Variants in TXN2 observed in about 807,000 individuals in gnomAD.
TXN2 encodes thioredoxin, mitochondrial.
A neutral mutation model predicts 14.6 loss-of-function variants in TXN2; 12 were observed. The ratio of observed to expected loss-of-function variants is 0.82; its 90% CI spans 0.53 to 1.33. The LOEUF is 1.33. Ranked by LOEUF, TXN2 falls within the 40% of genes most tolerant of loss-of-function variation. The pLI, the probability that TXN2 is intolerant of heterozygous loss-of-function variation, is 0.00. For synonymous variants in TXN2, 89 were observed against 81.0 expected, an observed-to-expected ratio of 1.10 and a Z score of -0.53; for missense variants, 173 against 207.7, an observed-to-expected ratio of 0.83 and a Z score of 1.03.
intron 3 of TXN2, among the ~76,000 whole-genome samples, chr22:36,473,801 C>A (rs951667203): frequency 2.6e-5 from 4 of 152,174 alleles, no homozygotes; most frequent in African/African-American, 9.7e-5. Context: ...TCTCACTTCC[C>A]AGGCTTCACC....
At chr22:36,473,428 G>A (rs891247294) in intron 3 of TXN2, among the ~76,000 whole-genome samples, 3 of 152,174 alleles carry the variant, frequency 2.0e-5, no homozygotes, top group Non-Finnish European at 4.4e-5. Context: ...GGGCGACAGA[G>A]CGAGACTCCA....
At chr22:36,469,748 G>C (rs1183776624) in intron 3 of TXN2, among the ~76,000 whole-genome samples, 1 of 152,218 alleles carries the variant, frequency 6.6e-6, no homozygotes, top group Non-Finnish European at 1.5e-5. Flanking sequence ...TTGAGGTCAG[G>C]AGTTCGAGAC....
rs190264690 is a variant in TXN2 at position 36,471,982 on chromosome 22, A to G, written c.388-4065T>C. Among the ~76,000 whole-genome samples the G allele has an allele frequency of 1.9e-3, 286 of 152,098 alleles. 2 individuals are homozygous for G. Among genetic ancestry groups the G allele is most frequent in the African/African-American group, 6.8e-3 (281 of 41,522 alleles). On this transcript the variant is annotated intron_variant, in intron 3 of 3. Transcript: ENST00000216185. Reference sequence around the variant, plus strand: ...GAGACCCCCTCTAAAAAAAAAAAAAAAAAAAAGCTGGGATCTGAAACAAGA... The same window carrying G: ...GAGACCCCCTCTAAAAAAAAAAAAAGAAAAAAGCTGGGATCTGAAACAAGA...
Position 36,476,540 on chromosome 22 carries a change from C to T in TXN2, c.387+193G>A, listed in dbSNP as rs147376787. Reference sequence around the variant, plus strand: ...CCGGGAGGCAGAGGTTGCAATGAGCCGAGATCATGCCATTGCACTCTAGCC... The same window carrying T: ...CCGGGAGGCAGAGGTTGCAATGAGCTGAGATCATGCCATTGCACTCTAGCC... On this transcript the variant is annotated intron_variant, in intron 3 of 3. Coordinates refer to ENST00000216185, the MANE Select transcript of TXN2 (RefSeq NM_012473.4). Among the ~76,000 whole-genome samples the T allele has an allele frequency of 4.8e-3, 735 of 151,876 alleles. 5 individuals carry two copies. The highest frequency in any genetic ancestry group is 0.015 in the African/African-American group (625 of 41,414).
At chr22:36,472,983 C>T (rs1247251516) in intron 3 of TXN2, among the ~76,000 whole-genome samples, 1 of 152,074 alleles carries the variant, frequency 6.6e-6, no homozygotes, top group African/African-American at 2.4e-5. Context: ...GGACACCCAG[C>T]CCTGGCATTA....
rs1475387334 is a variant in TXN2, at chr22:36,467,698, C to A, written c.*106G>T. The A allele has an allele frequency of 6.1e-6, 6 of 979,304 alleles. No homozygotes were observed. In the South Asian group the frequency reaches 6.9e-5, roughly 11 times the overall value. The allele number at this position is 979,304 out of a possible 1,614,324, so 60.7% of individuals were successfully genotyped here. On this transcript the variant is annotated 3_prime_UTR_variant, in exon 4 of 4. Transcript: ENST00000216185. ...CTGGAGCCTGGGCTCTAAGCATGGG[C>A]CCCAGGAGCCAGACAGGAGGGAGGC... is the stretch of plus-strand genomic sequence containing the variant.
chr22:36,468,642 T>C (rs565528606), intron 3 of TXN2: 1 of 450,298 alleles, frequency 2.2e-6, no homozygotes, highest in Non-Finnish European at 4.5e-6. Context: ...GGAGGATCGC[T>C]TGAGCCTGGG....
intron 3 of TXN2, 104 bp from the exon 4 acceptor site, chr22:36,468,021 T>G: frequency 3.1e-6 from 3 of 961,182 alleles, no homozygotes; most frequent in Non-Finnish European, 4.9e-6. Context: ...TCCAGGGCAC[T>G]GACTTCCCAA....
In TXN2 at chr22:36,472,819, G is replaced by A. The variant is rs201985474; in HGVS notation, c.387+3914C>T. On this transcript the variant is annotated intron_variant, in intron 3 of 3. Coordinates refer to ENST00000216185, the MANE Select transcript of TXN2 (RefSeq NM_012473.4). ...CTCACTGGCAAGCAGTCTGTGCTGA[G>A]AGCGGCAGCTGAGACACGGCCTTCC... Among the ~76,000 whole-genome samples, 29 of 152,196 alleles carry A rather than the reference G, an allele frequency of 1.9e-4. No homozygotes were observed. The East Asian group carries it at 4.4e-3, about 23-fold the overall frequency.
intron 3 of TXN2, among the ~76,000 whole-genome samples, chr22:36,472,466 A>G (rs926721443): frequency 2.0e-5 from 3 of 152,294 alleles, no homozygotes; most frequent in Non-Finnish European, 2.9e-5. Flanking sequence ...GTGTAGGTTC[A>G]TAAGTTGTGA....
chr22:36,473,785 T>A (rs1256725686), intron 3 of TXN2, among the ~76,000 whole-genome samples: 1 of 151,934 alleles, frequency 6.6e-6, no homozygotes, highest in African/African-American at 2.4e-5. Flanking sequence ...ACAGGAGGCA[T>A]CTCCTTCTCA....
intron 3 of TXN2, 38 bp from the exon 4 acceptor site, chr22:36,467,955 A>G: frequency 3.8e-6 from 6 of 1,559,838 alleles, no homozygotes; most frequent in Non-Finnish European, 4.4e-6. Context: ...GTGAATTGGG[A>G]GTGAATACTT....
Position 36,467,461 on chromosome 22 carries a change from GGGA to G in TXN2, c.*340_*342del. 1 of 244,744 alleles carries G rather than the reference GGGA, an allele frequency of 4.1e-6. No homozygotes were observed. The highest frequency in any genetic ancestry group is 8.2e-5 in the South Asian group (1 of 12,244). The allele number at this position is 244,744 out of a possible 1,614,324, so 15.2% of individuals were successfully genotyped here. A position where few individuals can be genotyped will look rare whatever the true frequency, so the allele number is the denominator to read the frequency against. On this transcript the variant is annotated 3_prime_UTR_variant, in exon 4 of 4. Transcript: ENST00000216185. ...CCAGGCACGAGGTTTCAGATTGGAA[GGGA>G]CCAAGATGAGGACCAAGGTGTGGCT...
At chr22:36,477,004 T>C (rs959441000) in intron 2 of TXN2, 148 bp from the exon 3 acceptor site, 28 of 1,347,300 alleles carry the variant, frequency 2.1e-5, no homozygotes, top group Non-Finnish European at 2.6e-5. Flanking sequence ...CAAATGGTAA[T>C]GCCAGGAGAT....
intron 2 of TXN2, among the ~76,000 whole-genome samples, chr22:36,478,154 AG>A (rs1346063222): frequency 3.0e-4 from 45 of 149,916 alleles, no homozygotes; most frequent in Non-Finnish European, 6.1e-4. Context: ...AAAAAAAAAA[AG>A]AGAAAGTGTT....
chr22:36,467,063 CTTTA>C lies in TXN2; in HGVS notation c.*737_*740del, dbSNP rs976499304. The C allele has an allele frequency of 3.3e-5, 5 of 152,918 alleles. No homozygotes were observed. Among genetic ancestry groups the C allele is most frequent in the African/African-American group, 1.2e-4 (5 of 41,444 alleles). The allele number at this position is 152,918 out of a possible 1,614,324, so 9.5% of individuals were successfully genotyped here. On this transcript the variant is annotated 3_prime_UTR_variant, in exon 4 of 4. Coordinates refer to ENST00000216185, the MANE Select transcript of TXN2 (RefSeq NM_012473.4). ...ACATTGCAGATGGTGCAGACCCTTG[CTTTA>C]TTTGTCTGACTTGTTCACAGTTCAG...
intron 3 of TXN2, among the ~76,000 whole-genome samples, chr22:36,473,175 G>A (rs1482454448): frequency 1.3e-5 from 2 of 152,142 alleles, no homozygotes; most frequent in African/African-American, 4.8e-5. Context: ...AGGTGTAGTG[G>A]CTCACGCCCG....
chr22:36,478,232 T>C (rs1181254962), intron 2 of TXN2, among the ~76,000 whole-genome samples: 1 of 151,578 alleles, frequency 6.6e-6, no homozygotes, highest in Non-Finnish European at 1.5e-5. Context: ...GCCCTGATCA[T>C]AGGTATTCCC....
chr22:36,472,219 C>T (rs913975376), intron 3 of TXN2, among the ~76,000 whole-genome samples: 12 of 152,098 alleles, frequency 7.9e-5, no homozygotes, highest in Admixed American at 6.6e-5. Flanking sequence ...AAATGAACTA[C>T]ATAACATTCT....
Sources: gnomAD v4.1 joint callset for allele counts (sites outside exome capture counted in the v4.1 genomes callset) on GRCh38, gnomAD v4.1.1 for gene constraint, MANE v1.5 for transcripts, NCBI Gene and HGNC (gene_info 2026-07-23, HGNC 2026-07-21) for gene names.